The following UBE2G1 variants were observed in gnomAD, a reference collection of about 807,000 sequenced individuals.
The protein encoded by UBE2G1 is ubiquitin-conjugating enzyme E2 G1.
Under a neutral mutation model 22.7 loss-of-function variants are expected in UBE2G1, and 5 were observed. That is an observed-to-expected ratio of 0.22 (90% CI 0.12 to 0.46). UBE2G1 has a LOEUF of 0.46. UBE2G1 is among the 20% of genes least tolerant of loss of function. The pLI is 0.99. For missense variants in UBE2G1, 88 were observed against 203.9 expected (o/e 0.43, Z 3.46); for synonymous variants, 74 against 67.5 (o/e 1.10, Z -0.47).
chr17:4,362,259 T>C (rs1969977723), intron 1 of UBE2G1, among the ~76,000 whole-genome samples: 1 of 152,168 alleles, frequency 6.6e-6, no homozygotes. Context: ...TTCATGAATC[T>C]GTTAGGTGTC....
chr17:4,273,571 A>G (rs1263864507), intron 5 of UBE2G1, among the ~76,000 whole-genome samples: 3 of 152,086 alleles, frequency 2.0e-5, no homozygotes. Flanking sequence ...CTTGAACTAC[A>G]GGCTCAAGCA....
At chr17:4,291,612 C>T (rs182748847) in intron 3 of UBE2G1, among the ~76,000 whole-genome samples, 2 of 152,010 alleles carry the variant, frequency 1.3e-5, no homozygotes, top group East Asian at 1.9e-4. Flanking sequence ...CATTTTTAAC[C>T]TTCTCATGTC....
In UBE2G1 at chr17:4,334,127, A is replaced by C. The variant is rs562266427; in HGVS notation, c.47-27004T>G. On this transcript the variant is annotated intron_variant, in intron 1 of 5. Coordinates refer to ENST00000396981, the MANE Select transcript of UBE2G1 (RefSeq NM_003342.5). ...GCCCAGGCTGGAGTGCAATGGCATG[A>C]TCATGGCTCACTGCAGCCTAGGCTC... Among the ~76,000 whole-genome samples the C allele has an allele frequency of 1.1e-3, 160 of 152,086 alleles. 2 individuals carry two copies. The highest frequency in any genetic ancestry group is 3.6e-3 in the African/African-American group (151 of 41,490).
intron 1 of UBE2G1, among the ~76,000 whole-genome samples, chr17:4,351,145 G>A (rs531297524): frequency 6.6e-6 from 1 of 151,910 alleles, no homozygotes; most frequent in South Asian, 2.1e-4. Flanking sequence ...GTTGCAGTGA[G>A]CCTGGCTGAC....
intron 4 of UBE2G1, among the ~76,000 whole-genome samples, chr17:4,286,685 G>A (rs1326702690): frequency 6.6e-6 from 1 of 152,142 alleles, no homozygotes; most frequent in Non-Finnish European, 1.5e-5. Flanking sequence ...CTATTTTGAA[G>A]GGTTAATAAA....
At chr17:4,303,433 T>C (rs998180924) in intron 2 of UBE2G1, among the ~76,000 whole-genome samples, 3 of 152,200 alleles carry the variant, frequency 2.0e-5, no homozygotes, top group Non-Finnish European at 4.4e-5. Context: ...CATGGAACAT[T>C]TGAAACATTT....
chr17:4,308,212 G>A (rs900523335), intron 1 of UBE2G1, among the ~76,000 whole-genome samples: 4 of 152,168 alleles, frequency 2.6e-5, no homozygotes, highest in Non-Finnish European at 1.5e-5. Context: ...AATTAGCTGG[G>A]CGTAGTGGCA....
intron 2 of UBE2G1, among the ~76,000 whole-genome samples, chr17:4,304,953 C>CTT (rs554912028): frequency 1.1e-4 from 15 of 137,116 alleles, no homozygotes; most frequent in African/African-American, 2.4e-4. Flanking sequence ...TTTTTAAGAA[C>CTT]TTTTTTTTTT....
At chr17:4,366,030 A>AC (rs1011150530) in intron 1 of UBE2G1, among the ~76,000 whole-genome samples, 4 of 149,296 alleles carry the variant, frequency 2.7e-5, no homozygotes, top group South Asian at 2.1e-4. Flanking sequence ...CTCCTCTCCG[A>AC]CCCCCCGGGC....
At chr17:4,325,588 T>C (rs1969496930) in intron 1 of UBE2G1, among the ~76,000 whole-genome samples, 2 of 152,166 alleles carry the variant, frequency 1.3e-5, no homozygotes, top group Admixed American at 1.3e-4. Context: ...ACAAATACAA[T>C]GTAATCCCTG....
rs527277332 is a variant in UBE2G1 at position 4,330,492 on chromosome 17, CTT to C, written c.47-23371_47-23370del. On this transcript the variant is annotated intron_variant, in intron 1 of 5. Coordinates refer to ENST00000396981, the MANE Select transcript of UBE2G1 (RefSeq NM_003342.5). Reference sequence around the variant, plus strand: ...GTGGCTCATGCCTGTAATCCCAGCACTTTGGGAGGCCAAGGTGGGCGGATCAC... The same window carrying C: ...GTGGCTCATGCCTGTAATCCCAGCACTGGGAGGCCAAGGTGGGCGGATCAC... Among the ~76,000 whole-genome samples the C allele has an allele frequency of 1.1e-3, 171 of 151,944 alleles. 2 individuals are homozygous for C. Among genetic ancestry groups the C allele is most frequent in the African/African-American group, 3.9e-3 (161 of 41,446 alleles).
intron 1 of UBE2G1, among the ~76,000 whole-genome samples, chr17:4,322,601 C>T (rs1969453862): frequency 6.6e-6 from 1 of 152,166 alleles, no homozygotes; most frequent in African/African-American, 2.4e-5. Context: ...AAAATGGCTT[C>T]TAAGAAAATG....
chr17:4,282,818 T>C lies in UBE2G1; in HGVS notation c.*17A>G. ...CTTACCCTGAAATAAGTGAAGTTAC[T>C]AGCTGCTAAATAAATGTCACTCAAA... is the stretch of plus-strand genomic sequence containing the variant. On this transcript the variant is annotated 3_prime_UTR_variant, in exon 5 of 6. Coordinates refer to ENST00000396981, the MANE Select transcript of UBE2G1 (RefSeq NM_003342.5). 6.2e-7 allele frequency: 1 copy of C among 1,603,446 alleles called. No individual in the cohort carries two copies. The highest frequency in any genetic ancestry group is 8.5e-7 in the Non-Finnish European group (1 of 1,175,252).
intron 1 of UBE2G1, among the ~76,000 whole-genome samples, chr17:4,335,887 T>C (rs1038985880): frequency 6.6e-6 from 1 of 152,222 alleles, no homozygotes; most frequent in African/African-American, 2.4e-5. Context: ...AGCTCTCACC[T>C]ATAATCCCAG....
intron 1 of UBE2G1, 106 bp from the exon 2 acceptor site, chr17:4,307,229 T>C (rs1969258354): frequency 3.1e-6 from 3 of 959,902 alleles, no homozygotes; most frequent in South Asian, 2.9e-5. Flanking sequence ...TTTTAAACCA[T>C]TAAATAGATA....
At chr17:4,291,214 G>T (rs1969034795) in intron 3 of UBE2G1, among the ~76,000 whole-genome samples, 1 of 152,100 alleles carries the variant, frequency 6.6e-6, no homozygotes, top group African/African-American at 2.4e-5. Flanking sequence ...TACAAAATTA[G>T]CTGGCTGTTG....
chr17:4,321,311 A>G (rs1241411092), intron 1 of UBE2G1, among the ~76,000 whole-genome samples: 1 of 151,920 alleles, frequency 6.6e-6, no homozygotes. Flanking sequence ...ACTGTAGGCA[A>G]CTATTTCCCT....
intron 2 of UBE2G1, among the ~76,000 whole-genome samples, chr17:4,297,258 C>G (rs1418969868): frequency 6.6e-6 from 1 of 152,148 alleles, no homozygotes; most frequent in Non-Finnish European, 1.5e-5. Context: ...TTTTCCTTAT[C>G]TAGGAATAGA....
chr17:4,274,199 CTT>C (rs11426758), intron 5 of UBE2G1, among the ~76,000 whole-genome samples: 9 of 101,210 alleles, frequency 8.9e-5, no homozygotes, highest in Admixed American at 2.2e-4. Flanking sequence ...CCAGGATGGT[CTT>C]TTTTTTTTTT....
Sources: allele counts gnomAD v4.1 joint callset (sites outside exome capture counted in the v4.1 genomes callset), GRCh38; gene constraint gnomAD v4.1.1; transcripts MANE v1.5; gene names NCBI Gene and HGNC (gene_info 2026-07-23, HGNC 2026-07-21).